Variants in ADCY7 observed in about 807,000 individuals in gnomAD.
The protein encoded by ADCY7 is adenylate cyclase type 7.
ADCY7 carries 72 observed loss-of-function variants against 120.6 expected under a neutral mutation model. The observed-to-expected ratio is 0.60, with a 90% CI of 0.49 to 0.73. ADCY7 has a LOEUF of 0.73. Among genes scored for constraint, ADCY7 ranks in the 30% least tolerant of loss-of-function variants. The pLI, the probability that ADCY7 is intolerant of heterozygous loss-of-function variation, is 0.00. For missense variants in ADCY7, 1,227 were observed against 1,486.0 expected (o/e 0.83, Z 2.87); for synonymous variants, 661 against 628.0 (o/e 1.05, Z -0.78).
At chr16:50,275,409 C>T (rs1043034390) in intron 1 of ADCY7, among the ~76,000 whole-genome samples, 1 of 152,170 alleles carries the variant, frequency 6.6e-6, no homozygotes, top group Admixed American at 6.5e-5. Context: ...ACCCAGGGAG[C>T]CTTCTTAGGG....
At chr16:50,248,355 GTCCCCTCC>G (rs1317926558) in intron 1 of ADCY7, among the ~76,000 whole-genome samples, 1 of 152,176 alleles carries the variant, frequency 6.6e-6, no homozygotes, top group Non-Finnish European at 1.5e-5. Flanking sequence ...AGGGGCCTAT[GTCCCCTCC>G]TCCCCATCCC....
intron 4 of ADCY7, among the ~76,000 whole-genome samples, chr16:50,292,399 C>A (rs2035044108): frequency 6.6e-6 from 1 of 152,252 alleles, no homozygotes; most frequent in Non-Finnish European, 1.5e-5. Context: ...CCCTCTGGGA[C>A]TGCCCTTAGC....
Position 50,311,799 on chromosome 16 carries a change from G to C in ADCY7, c.2448+13G>C, listed in dbSNP as rs75745969. The C allele has an allele frequency of 1.9e-3, 1,667 of 895,230 alleles. 20 individuals are homozygous for C. The African/African-American group carries it at 0.022, about 12-fold the overall frequency. The allele number at this position is 895,230 out of a possible 1,614,324, so 55.5% of individuals were successfully genotyped here. A position where few individuals can be genotyped will look rare whatever the true frequency, so the allele number is the denominator to read the frequency against. ...ACTCTCCAGACAGGTAAGGAGGCTG[G>C]CCCCCCCCCCCCCCCCAAGCTCTGC... On this transcript the variant is annotated intron_variant, in intron 20 of 25. Coordinates refer to ENST00000673801, the MANE Select transcript of ADCY7 (RefSeq NM_001114.5).
At chr16:50,311,986 C>T (rs201105975) in intron 20 of ADCY7, 50 bp from the exon 21 acceptor site, 604 of 1,608,122 alleles carry the variant, frequency 3.8e-4, no homozygotes, top group Non-Finnish European at 4.7e-4. Context: ...CACAGCAGCA[C>T]GGCTCCCACT....
intron 1 of ADCY7, among the ~76,000 whole-genome samples, chr16:50,251,182 A>G (rs1003034063): frequency 1.3e-5 from 2 of 152,038 alleles, no homozygotes; most frequent in African/African-American, 4.8e-5. Flanking sequence ...TGAGGCTGCA[A>G]TGAGCTATGA....
chr16:50,310,974 A>C, intron 19 of ADCY7, 94 bp downstream of exon 19: 1 of 1,291,280 alleles, frequency 7.7e-7, no homozygotes, highest in Non-Finnish European at 1.0e-6. Context: ...GTTCATGGGG[A>C]GTGGGCACCT....
rs113473869 is a variant in ADCY7, at chr16:50,305,491, A to G, written c.1596-12A>G. The G allele has an allele frequency of 4.5e-5, 73 of 1,612,544 alleles. No individual in the cohort carries two copies. The African/African-American group carries it at 8.0e-4, about 18-fold the overall frequency. On this transcript the variant is annotated splice_polypyrimidine_tract_variant and intron_variant, in intron 12 of 25. Transcript: ENST00000673801. ...TCGCTGTGCTGATGCAGTTGTGGGT[A>G]TCTGATTCCAGAAGCATGTCCCCCA... is the stretch of plus-strand genomic sequence containing the variant.
At chr16:50,313,432 C>G (rs2036596400) in intron 22 of ADCY7, 1 of 164,582 alleles carries the variant, frequency 6.1e-6, no homozygotes, top group Non-Finnish European at 1.3e-5. Context: ...ACAACAACAA[C>G]AACAAAAAAA....
rs192347901 is a variant in ADCY7 at position 50,278,075 on chromosome 16, T to C, written c.-268-9837T>C. Among the ~76,000 whole-genome samples, 60 of 151,712 alleles carry C rather than the reference T, an allele frequency of 4.0e-4. No homozygotes were observed. In the East Asian group the frequency reaches 0.011, roughly 29 times the overall value. On this transcript the variant is annotated intron_variant, in intron 1 of 25. Coordinates refer to ENST00000673801, the MANE Select transcript of ADCY7 (RefSeq NM_001114.5). ...TTTTTTTTTTGAGACAGAGCTTCACTCTGTCACCGAGGCTGGTTTACAGGC... is the reference window on the plus strand; with the variant it reads ...TTTTTTTTTTGAGACAGAGCTTCACCCTGTCACCGAGGCTGGTTTACAGGC...
At chr16:50,246,220 G>T (rs2032580298) in intron 1 of ADCY7, 2 of 149,522 alleles carry the variant, frequency 1.3e-5, no homozygotes, top group South Asian at 1.9e-4. Context: ...GCGGGGCGCG[G>T]GGGAGCGCGG....
In ADCY7 at chr16:50,291,865, T is replaced by C. The variant is rs369453143; in HGVS notation, c.505T>C (p.Phe169Leu). The change falls in exon 4 of 26, where the codon TTC becomes CTC. Residue 169 changes from phenylalanine (F) to leucine (L), a missense_variant. Coordinates refer to ENST00000673801, the MANE Select transcript of ADCY7 (RefSeq NM_001114.5). ...LLVLGSLMGG[F>L]TTPSVRVGLQ... The stretch of plus-strand genomic sequence containing the variant: ...GGTGCTCGGTTCTTTGATGGGAGGC[T>C]TCACGACACCCAGTGTCCGGGTGGG... The C allele has an allele frequency of 1.8e-5, 29 of 1,613,638 alleles. No homozygotes were observed. In the Middle Eastern group the frequency reaches 5.0e-4, roughly 28 times the overall value.
At chr16:50,292,612 G>T (rs781095129) in intron 4 of ADCY7, 64 bp from the exon 5 acceptor site, 3 of 1,585,316 alleles carry the variant, frequency 1.9e-6, no homozygotes, top group South Asian at 1.2e-5. Context: ...CCGCCTAGGG[G>T]TCTGGTGCCT....
chr16:50,248,628 G>T lies in ADCY7; in HGVS notation c.-64+2425G>T, dbSNP rs371306179. On this transcript the variant is annotated intron_variant, in intron 1 of 4. Transcript: ENST00000564044. ...GGACAGATCATTTTCTTATTTAGTC[G>T]TGCTTTCTGTGTTTTCAAAATTGTC... Among the ~76,000 whole-genome samples the T allele has an allele frequency of 2.0e-5, 3 of 152,202 alleles. No homozygotes were observed. In the South Asian group the frequency reaches 6.2e-4, roughly 31 times the overall value.
In ADCY7 at chr16:50,279,893, C is replaced by CT. The variant is rs371595392; in HGVS notation, c.-268-8010dup. Among the ~76,000 whole-genome samples the CT allele has an allele frequency of 1.7e-3, 259 of 151,554 alleles. 1 individual carries two copies. The highest frequency in any genetic ancestry group is 5.7e-3 in the African/African-American group (234 of 41,328). On this transcript the variant is annotated intron_variant, in intron 1 of 25. Coordinates refer to ENST00000673801, the MANE Select transcript of ADCY7 (RefSeq NM_001114.5). ...GGGAGGATTTCAGGAACAAAGAACA[C>CT]TTTTTTTTTCCTTTTTTTGTTGTGT... is the stretch of plus-strand genomic sequence containing the variant.
chr16:50,307,524 G>A (rs2036149699), intron 15 of ADCY7, among the ~76,000 whole-genome samples: 1 of 152,088 alleles, frequency 6.6e-6, no homozygotes. Flanking sequence ...GAGGATTAAT[G>A]ATTTATCCAA....
chr16:50,298,479 C>T (rs769818665), intron 7 of ADCY7, among the ~76,000 whole-genome samples: 3 of 152,226 alleles, frequency 2.0e-5, no homozygotes, highest in Non-Finnish European at 4.4e-5. Context: ...CAGCTGGGCA[C>T]ACTGTTTTGT....
At chr16:50,299,311 T>G (rs560403864) in intron 8 of ADCY7, among the ~76,000 whole-genome samples, 1 of 152,212 alleles carries the variant, frequency 6.6e-6, no homozygotes, top group Non-Finnish European at 1.5e-5. Flanking sequence ...TCCGCTCCCC[T>G]CAAGGATGGG....
At chr16:50,286,528 G>A (rs1022459945) in intron 1 of ADCY7, among the ~76,000 whole-genome samples, 3 of 152,060 alleles carry the variant, frequency 2.0e-5, no homozygotes, top group Non-Finnish European at 4.4e-5. Context: ...AGGCATGGGG[G>A]CCTGAGCCTA....
At chr16:50,264,798 G>A (rs562163904), upstream of ADCY7, among the ~76,000 whole-genome samples, 6 of 150,700 alleles carry the variant, frequency 4.0e-5, no homozygotes, top group African/African-American at 1.2e-4. Flanking sequence ...TTTTAATTGG[G>A]CCATTTGTCT....
Sources: gnomAD v4.1 joint callset for allele counts (sites outside exome capture counted in the v4.1 genomes callset) on GRCh38, gnomAD v4.1.1 for gene constraint, MANE v1.5 for transcripts, NCBI Gene and HGNC (gene_info 2026-07-23, HGNC 2026-07-21) for gene names.